MTFP1: variants seen among roughly 807,000 people sequenced by gnomAD.
The protein encoded by MTFP1 is mitochondrial fission process 1.
A neutral mutation model predicts 17.1 loss-of-function variants in MTFP1; 19 were observed. That is an observed-to-expected ratio of 1.11 (90% confidence interval 0.77 to 1.63). MTFP1 has a LOEUF of 1.63. Among genes scored for constraint, MTFP1 ranks in the 40% most tolerant of loss-of-function variants. The pLI is 0.00. For synonymous variants in MTFP1, 89 were observed against 95.2 expected (o/e 0.93, Z 0.38); for missense variants, 221 against 226.2 (o/e 0.98, Z 0.15).
chr22:30,427,428 A>T (rs749773034), intron 3 of MTFP1, 25 bp downstream of exon 3: 6 of 1,596,306 alleles, frequency 3.8e-6, no homozygotes, highest in Non-Finnish European at 4.3e-6. Flanking sequence ...GGCCTCAGGG[A>T]TCATCCACTC....
At position 30,425,991 on chromosome 22, in the gene MTFP1, T is replaced by C. The variant is rs1185650389; in HGVS notation, c.67+45T>C. The C allele has an allele frequency of 2.8e-6, 4 of 1,444,126 alleles. No individual in the cohort carries two copies. The East Asian group carries it at 1.1e-4, about 40-fold the overall frequency. 89.5% of individuals were successfully genotyped at this position (1,444,126 alleles called of 1,614,324 possible). ...CGCGGCGACCCCACCACCACTGGGC[T>C]GGAGAAGCAGGGGTCGCCGGACGCC... On this transcript the variant is annotated intron_variant, in intron 1 of 3. Coordinates refer to ENST00000266263, the MANE Select transcript of MTFP1 (RefSeq NM_016498.5).
chr22:30,428,393 GGCCTTCT>G lies in MTFP1; in HGVS notation c.429-60_429-54del, dbSNP rs2146059248. On this transcript the variant is annotated intron_variant, in intron 3 of 3. Coordinates refer to ENST00000266263, the MANE Select transcript of MTFP1 (RefSeq NM_016498.5). ...TCTAAGCGCCCCTTTCCCTAACCCT[GGCCTTCT>G]GCCTTCTGTTCCCTCATGAACACCC... 10 of 1,395,702 alleles carry G rather than the reference GGCCTTCT, an allele frequency of 7.2e-6. No homozygotes were observed. In the South Asian group the frequency reaches 1.2e-4, roughly 17 times the overall value. 86.5% of individuals were successfully genotyped at this position (1,395,702 alleles called of 1,614,324 possible). A position where few individuals can be genotyped will look rare whatever the true frequency, so the allele number is the denominator to read the frequency against.
Position 30,425,954 on chromosome 22 carries a change from C to T in MTFP1, c.67+8C>T, listed in dbSNP as rs1431834166. 1.3e-6 allele frequency: 2 copies of T among 1,505,360 alleles called. No individual in the cohort carries two copies. The highest frequency in any genetic ancestry group is 2.6e-5 in the East Asian group (1 of 37,852). The allele number at this position is 1,505,360 out of a possible 1,614,324, so 93.3% of individuals were successfully genotyped here. A position where few individuals can be genotyped will look rare whatever the true frequency, so the allele number is the denominator to read the frequency against. ...CGTGGGTGCGATACCTGGGTGAGCG[C>T]GGGGCGACGGGCGCGGCGACCCCAC... is the stretch of plus-strand genomic sequence containing the variant. On this transcript the variant is annotated splice_region_variant and intron_variant, in intron 1 of 3. Transcript: ENST00000266263.
At chr22:30,428,389 C>A in intron 3 of MTFP1, 73 bp from the exon 4 acceptor site, 1 of 1,368,592 alleles carries the variant, frequency 7.3e-7, no homozygotes, top group Non-Finnish European at 1.0e-6. Flanking sequence ...CTTTCCCTAA[C>A]CCTGGCCTTC....
At chr22:30,426,071 C>T (rs967569485) in intron 1 of MTFP1, 125 bp downstream of exon 1, 1 of 976,626 alleles carries the variant, frequency 1.0e-6, no homozygotes, top group African/African-American at 1.7e-5. Flanking sequence ...GCTTTTGGGC[C>T]GGAGACTGGG....
rs1934715835 is a variant in MTFP1 at position 30,428,803 on chromosome 22, T to C, written c.*269T>C. The C allele has an allele frequency of 1.2e-6, 1 of 812,166 alleles. No homozygotes were observed. Among genetic ancestry groups the C allele is most frequent in the Non-Finnish European group, 2.0e-6 (1 of 506,568 alleles). The allele number at this position is 812,166 out of a possible 1,614,324, so 50.3% of individuals were successfully genotyped here. A position where few individuals can be genotyped will look rare whatever the true frequency, so the allele number is the denominator to read the frequency against. On this transcript the variant is annotated 3_prime_UTR_variant, in exon 4 of 4. Transcript: ENST00000266263. ...CTGGGTGGGCCCGGCCCTGTCTTTT[T>C]CAGGAAAATTACATCCTCCCATGGA...
intron 1 of MTFP1, 90 bp downstream of exon 1, chr22:30,426,036 G>A: frequency 8.1e-7 from 1 of 1,232,848 alleles, no homozygotes; most frequent in South Asian, 1.6e-5. Context: ...CCTGGAGGAG[G>A]CGGGATGATC....
Position 30,425,945 on chromosome 22 carries a change from G to T in MTFP1, c.66G>T (p.Leu22=). 1 of 1,512,482 alleles carries T rather than the reference G, an allele frequency of 6.6e-7. No individual in the cohort carries two copies. The highest frequency in any genetic ancestry group is 8.8e-7 in the Non-Finnish European group (1 of 1,130,070). The allele number at this position is 1,512,482 out of a possible 1,614,324, so 93.7% of individuals were successfully genotyped here. The change falls in exon 1 of 4, where the codon CTG becomes CTT. Residue 22 remains leucine (L), a splice_region_variant and synonymous_variant. Transcript: ENST00000266263. Reference sequence around the variant, plus strand: ...ACCGGGACACGTGGGTGCGATACCTGGGTGAGCGCGGGGCGACGGGCGCGG... The same window carrying T: ...ACCGGGACACGTGGGTGCGATACCTTGGTGAGCGCGGGGCGACGGGCGCGG... ...DLYRDTWVRY[L]GYANEVGEAF... is the part of the protein sequence containing the mutation.
chr22:30,427,973 C>T (rs1934701806), intron 3 of MTFP1, among the ~76,000 whole-genome samples: 2 of 152,192 alleles, frequency 1.3e-5, no homozygotes, highest in Admixed American at 6.5e-5. Flanking sequence ...TTCTATCCCA[C>T]CAGCTTAGCC....
At chr22:30,428,126 A>C (rs962041960) in intron 3 of MTFP1, among the ~76,000 whole-genome samples, 2 of 152,178 alleles carry the variant, frequency 1.3e-5, no homozygotes, top group African/African-American at 2.4e-5. Flanking sequence ...TGGTCTTAGA[A>C]CTAGATATGG....
Position 30,428,609 on chromosome 22 carries a change from A to C in MTFP1, c.*75A>C, listed in dbSNP as rs1465574357. On this transcript the variant is annotated 3_prime_UTR_variant, in exon 4 of 4. Coordinates refer to ENST00000266263, the MANE Select transcript of MTFP1 (RefSeq NM_016498.5). ...CTCCTACTCCTGCCAGGGAATGTGG[A>C]CACCTGGCTCCCTGGTGTCCAAAGA... The C allele has an allele frequency of 6.2e-7, 1 of 1,614,004 alleles. No individual in the cohort carries two copies. The highest frequency in any genetic ancestry group is 8.5e-7 in the Non-Finnish European group (1 of 1,180,032).
chr22:30,426,649 AC>A, intron 1 of MTFP1, 67 bp from the exon 2 acceptor site: 1 of 1,590,218 alleles, frequency 6.3e-7, no homozygotes, highest in Non-Finnish European at 8.6e-7. Context: ...TAGGATGAGA[AC>A]CAGCCTGCTC....
rs1174468723 is a variant in MTFP1, at chr22:30,426,747, G to A, written c.98G>A (p.Arg33His). The A allele has an allele frequency of 6.8e-6, 11 of 1,614,076 alleles. No homozygotes were observed. Among genetic ancestry groups the A allele is most frequent in the Non-Finnish European group, 8.5e-6 (10 of 1,179,992 alleles). The change falls in exon 2 of 4, where the codon CGC (arginine) becomes CAC (histidine). Residue 33 changes from arginine to histidine, a missense_variant. Coordinates refer to ENST00000266263, the MANE Select transcript of MTFP1 (RefSeq NM_016498.5). ...GCCAATGAGGTGGGCGAGGCTTTCC[G>A]CTCTCTTGTGCCAGCGGCGGTGGTG... The part of the protein sequence containing the change: ...GYANEVGEAF[R>H]SLVPAAVVWL...
intron 2 of MTFP1, 63 bp from the exon 3 acceptor site, chr22:30,427,108 G>A (rs1004287938): frequency 2.6e-6 from 4 of 1,562,680 alleles, no homozygotes; most frequent in Non-Finnish European, 3.5e-6. Flanking sequence ...CTAGCCTCGT[G>A]CCCCTTGTCG....
In MTFP1 at chr22:30,426,828, G is replaced by C. The variant is rs751909943; in HGVS notation, c.179G>C (p.Gly60Ala). The C allele has an allele frequency of 6.2e-7, 1 of 1,612,076 alleles. No homozygotes were observed. Among genetic ancestry groups the C allele is most frequent in the Non-Finnish European group, 8.5e-7 (1 of 1,179,994 alleles). Reference protein sequence around the residue: ...SYVLADAIDKGKKAGEVPSPE... With the variant: ...SYVLADAIDKAKKAGEVPSPE... ...GTGCTGGCGGATGCCATTGACAAAG[G>C]CAAGAAGGCTGGAGAGGTGAGTGTT... The change falls in exon 2 of 4, where the codon GGC becomes GCC. Residue 60 changes from glycine (G) to alanine (A), a missense_variant. Coordinates refer to ENST00000266263, the MANE Select transcript of MTFP1 (RefSeq NM_016498.5).
rs991049187 is a variant in MTFP1, at chr22:30,428,623, G to A, written c.*89G>A. ...AGGGAATGTGGACACCTGGCTCCCT[G>A]GTGTCCAAAGACCCTGGCACCTGGG... is the stretch of plus-strand genomic sequence containing the variant. On this transcript the variant is annotated 3_prime_UTR_variant, in exon 4 of 4. Transcript: ENST00000266263. 1.2e-5 allele frequency: 19 copies of A among 1,614,030 alleles called. No homozygotes were observed. The highest frequency in any genetic ancestry group is 1.4e-5 in the Non-Finnish European group (17 of 1,180,030).
At position 30,428,838 on chromosome 22, in the gene MTFP1, AC is replaced by A; in HGVS notation, c.*305del. 4.6e-6 allele frequency: 3 copies of A among 658,636 alleles called. No individual in the cohort carries two copies. The highest frequency in any genetic ancestry group is 7.8e-6 in the Non-Finnish European group (3 of 386,812). The allele number at this position is 658,636 out of a possible 1,614,324, so 40.8% of individuals were successfully genotyped here. A position where few individuals can be genotyped will look rare whatever the true frequency, so the allele number is the denominator to read the frequency against. ...TACATCCTCCCATGGAGGATGAGAG[AC>A]TGAGGCTCAGGGAGGGCAAGGAATA... On this transcript the variant is annotated 3_prime_UTR_variant, in exon 4 of 4. Transcript: ENST00000266263.
rs1481345368 is a variant in MTFP1 at position 30,427,281 on chromosome 22, C to T, written c.306C>T (p.Arg102=). Residue 102 remains arginine (R), a synonymous_variant, in exon 3 of 4, where the codon CGC becomes CGT. Transcript: ENST00000266263. ...SVAIPGFTIN[R]VCAASLYVLG... ...CCATTCCGGGCTTCACCATCAACCG[C>T]GTGTGTGCTGCCTCTCTCTATGTCC... is the stretch of plus-strand genomic sequence containing the variant. The T allele has an allele frequency of 5.6e-6, 9 of 1,613,962 alleles. No individual in the cohort carries two copies. The highest frequency in any genetic ancestry group is 5.3e-5 in the African/African-American group (4 of 74,940).
chr22:30,426,867 A>AC (rs780728929), intron 2 of MTFP1, 23 bp downstream of exon 2: 1 of 1,604,020 alleles, frequency 6.2e-7, no homozygotes, highest in East Asian at 2.2e-5. Context: ...CTATTTTCCA[A>AC]CCCCCAACCC....
Sources: gnomAD v4.1 joint callset for allele counts (sites outside exome capture counted in the v4.1 genomes callset) on GRCh38, gnomAD v4.1.1 for gene constraint, MANE v1.5 for transcripts, NCBI Gene and HGNC (gene_info 2026-07-23, HGNC 2026-07-21) for gene names.